The following CTBP1 variants were observed in gnomAD, a reference collection of about 807,000 sequenced individuals.
CTBP1 encodes the protein C-terminal-binding protein 1.
In CTBP1, 11 loss-of-function variants were observed where a neutral mutation model predicts 42.1. The ratio of observed to expected loss-of-function variants is 0.26; its 90% CI spans 0.16 to 0.43. CTBP1 has a LOEUF of 0.43. Ranked by LOEUF, CTBP1 falls within the 20% of genes least tolerant of loss-of-function variation. The probability of loss-of-function intolerance (pLI) is 1.00; values close to 1 mark genes in which losing one functional copy is unlikely to be tolerated. For missense variants in CTBP1, 399 were observed against 624.3 expected (o/e 0.64, Z 3.85); for synonymous variants, 324 against 277.1 (o/e 1.17, Z -1.68).
intron 5 of CTBP1, among the ~76,000 whole-genome samples, chr4:1,222,220 C>T (rs1037200188): frequency 1.2e-4 from 19 of 152,154 alleles, no homozygotes; most frequent in African/African-American, 3.4e-4. Context: ...GGGCGGGGGA[C>T]GGGACGCAGG....
Position 1,228,497 on chromosome 4 carries a change from G to C in CTBP1, c.163-154C>G, listed in dbSNP as rs978216183. 3.9e-5 allele frequency among the ~76,000 whole-genome samples: 6 copies of C among 152,202 alleles called. 1 individual carries two copies. Among genetic ancestry groups the C allele is most frequent in the South Asian group, 4.1e-4 (2 of 4,834 alleles). On this transcript the variant is annotated intron_variant, in intron 3 of 9. Coordinates refer to ENST00000382952, the MANE Select transcript of CTBP1 (RefSeq NM_001012614.2). ...GGACACTGGGAGAGGCTACATGAAG[G>C]CTTCCCCGCCACGCGCGGCCCCTCA...
Position 1,230,897 on chromosome 4 carries a change from C to T in CTBP1, c.163-2554G>A, listed in dbSNP as rs182797303. On this transcript the variant is annotated intron_variant, in intron 3 of 9. Coordinates refer to ENST00000382952, the MANE Select transcript of CTBP1 (RefSeq NM_001012614.2). ...AGGGCCCTCCTTTGGGCTCCGGGCG[C>T]GCCCACCCAGCTGAGCTGTGAAGCG... Among the ~76,000 whole-genome samples the T allele has an allele frequency of 6.6e-5, 10 of 152,394 alleles. No homozygotes were observed. The East Asian group carries it at 1.5e-3, about 23-fold the overall frequency.
In CTBP1 at chr4:1,238,096, G is replaced by A. The variant is rs1553848888; in HGVS notation, c.162+87C>T. Reference sequence around the variant, plus strand: ...TCCTGCCCCAGTGGCACCCAGACCTGCTGTGGCCCGGGCCTGCCGTGCTCC... The same window carrying A: ...TCCTGCCCCAGTGGCACCCAGACCTACTGTGGCCCGGGCCTGCCGTGCTCC... On this transcript the variant is annotated intron_variant, in intron 3 of 9. Transcript: ENST00000382952. This position sits in a 1 kb window ranked among gnomAD's most constrained non-coding sequence, Gnocchi z 5.9. The A allele has an allele frequency of 1.3e-6, 2 of 1,563,388 alleles. No individual in the cohort carries two copies. Among genetic ancestry groups the A allele is most frequent in the Non-Finnish European group, 1.8e-6 (2 of 1,139,374 alleles).
Position 1,245,195 on chromosome 4 carries a change from C to T in CTBP1, c.-188-3676G>A, listed in dbSNP as rs377251651. ...GCATCCCTGTGAGCCAGGGAGCCAC[C>T]GCACTCCACGGGGCCTGCAGGGCCG... On this transcript the variant is annotated intron_variant, in intron 1 of 9. Coordinates refer to ENST00000382952, the MANE Select transcript of CTBP1 (RefSeq NM_001012614.2). 4.5e-4 allele frequency: 447 copies of T among 985,458 alleles called. 4 individuals are homozygous for T. The South Asian group carries it at 0.013, about 29-fold the overall frequency. 61.0% of individuals were successfully genotyped at this position (985,458 alleles called of 1,614,324 possible). A position where few individuals can be genotyped will look rare whatever the true frequency, so the allele number is the denominator to read the frequency against.
At position 1,238,470 on chromosome 4, in the gene CTBP1, T is replaced by C; in HGVS notation, c.8-133A>G. The C allele has an allele frequency of 1.8e-6, 2 of 1,105,732 alleles. No homozygotes were observed. The highest frequency in any genetic ancestry group is 2.6e-5 in the East Asian group (1 of 38,094). The allele number at this position is 1,105,732 out of a possible 1,614,324, so 68.5% of individuals were successfully genotyped here. The stretch of plus-strand genomic sequence containing the variant: ...GTTTTCTGGTCTATATGTTGTGATA[T>C]TTGTAAAAAGTAAATTAAAAATCCA... On this transcript the variant is annotated intron_variant, in intron 2 of 9. Transcript: ENST00000382952. This position sits in a 1 kb window ranked among gnomAD's most constrained non-coding sequence, Gnocchi z 5.9.
intron 1 of CTBP1, chr4:1,243,340 A>G: frequency 1.0e-6 from 1 of 985,350 alleles, no homozygotes; most frequent in Non-Finnish European, 1.2e-6. Flanking sequence ...TCCCGAGCTG[A>G]GGAACCTGTG....
At position 1,213,502 on chromosome 4, in the gene CTBP1, G is replaced by A. The variant is rs1329666542; in HGVS notation, c.964C>T (p.Arg322Trp). 2 of 1,612,146 alleles carry A rather than the reference G, an allele frequency of 1.2e-6. No individual in the cohort carries two copies. Among genetic ancestry groups the A allele is most frequent in the Non-Finnish European group, 1.7e-6 (2 of 1,179,900 alleles). ...CCTGTGATGGCTCTGCGGATCTCCC[G>A]TGCCGCCTCCTCTCGCATCTCGATG... is the stretch of plus-strand genomic sequence containing the variant. ...ASIEMREEAA[R>W]EIRRAITGRI... The change falls in exon 8 of 10, where the codon CGG becomes TGG. Residue 322 changes from arginine to tryptophan, a missense_variant. Arg to Trp is a moderately radical substitution (Grantham distance 101). Transcript: ENST00000382952.
Position 1,249,073 on chromosome 4 carries a change from C to T in CTBP1, c.-346G>A, listed in dbSNP as rs1180451322. 4 of 346,400 alleles carry T rather than the reference C, an allele frequency of 1.2e-5. No homozygotes were observed. The highest frequency in any genetic ancestry group is 9.0e-5 in the African/African-American group (4 of 44,494). 21.5% of individuals were successfully genotyped at this position (346,400 alleles called of 1,614,324 possible). On this transcript the variant is annotated 5_prime_UTR_variant, in exon 1 of 10. Transcript: ENST00000382952. ...CTCCGCCCGCCCGCCTGCGCCTGGC[C>T]GCCGCCGTGCCGAGTCTCCGCCGCG...
intron 4 of CTBP1, 23 bp from the exon 5 acceptor site, chr4:1,225,589 G>T: frequency 6.5e-7 from 1 of 1,533,646 alleles, no homozygotes; most frequent in Non-Finnish European, 8.7e-7. Context: ...GGACACGGCG[G>T]TCACCCCCGG....
intron 5 of CTBP1, 83 bp downstream of exon 5, chr4:1,225,277 G>A (rs534107786): frequency 3.2e-5 from 47 of 1,448,416 alleles, no homozygotes; most frequent in East Asian, 3.0e-4. Context: ...ACCCCGCCCC[G>A]GGCCTCTCCT....
At chr4:1,224,466 G>A (rs1280823040) in intron 5 of CTBP1, among the ~76,000 whole-genome samples, 1 of 151,230 alleles carries the variant, frequency 6.6e-6, no homozygotes, top group African/African-American at 2.4e-5. Context: ...GTGCCCATGA[G>A]GCCTGTGTGT....
In CTBP1 at chr4:1,233,014, G is replaced by A. The variant is rs1422405809; in HGVS notation, c.163-4671C>T. 3 of 152,662 alleles carry A rather than the reference G, an allele frequency of 2.0e-5. No individual in the cohort carries two copies. Among genetic ancestry groups the A allele is most frequent in the Non-Finnish European group, 4.4e-5 (3 of 68,422 alleles). 9.5% of individuals were successfully genotyped at this position (152,662 alleles called of 1,614,324 possible). A position where few individuals can be genotyped will look rare whatever the true frequency, so the allele number is the denominator to read the frequency against. On this transcript the variant is annotated intron_variant, in intron 3 of 9. Coordinates refer to ENST00000382952, the MANE Select transcript of CTBP1 (RefSeq NM_001012614.2). The surrounding 1 kb of genome is among the most constrained non-coding windows in gnomAD (Gnocchi z 4.6). ...CTTCTAGACCTGAGAGGGGGTCCTG[G>A]GGTCTGGACATGCCCTGCGGGGGTC...
At chr4:1,244,910 G>C in intron 1 of CTBP1, 2 of 985,410 alleles carry the variant, frequency 2.0e-6, no homozygotes, top group Non-Finnish European at 2.4e-6. Flanking sequence ...GCCTGACCCG[G>C]AGCCTTCCAG....
chr4:1,240,600 G>A (rs1011786658), intron 2 of CTBP1, among the ~76,000 whole-genome samples: 1 of 132,262 alleles, frequency 7.6e-6, no homozygotes, highest in African/African-American at 2.9e-5. Flanking sequence ...GTGGGAACCG[G>A]GTCCCTCGTC....
intron 1 of CTBP1, chr4:1,243,829 C>T (rs1732436915): frequency 3.0e-6 from 3 of 985,314 alleles, no homozygotes; most frequent in Non-Finnish European, 3.6e-6. Flanking sequence ...TGCTTTTCCT[C>T]ATCAAAAACT....
chr4:1,212,564 A>T, intron 9 of CTBP1, 141 bp from the exon 10 acceptor site: 1 of 771,408 alleles, frequency 1.3e-6, no homozygotes, highest in Admixed American at 3.4e-5. Context: ...CTTTACACGG[A>T]TGTTCCTGCC....
chr4:1,244,550 C>T (rs1250097), intron 1 of CTBP1: 350,808 of 984,912 alleles, frequency 0.36, 64,784 homozygotes, highest in Middle Eastern at 0.44. Context: ...CCCTCCCTCA[C>T]GACCTCCACC....
chr4:1,249,713 A>T, upstream of CTBP1: 1 of 399,918 alleles, frequency 2.5e-6, no homozygotes, highest in Non-Finnish European at 5.1e-6. Flanking sequence ...GTGCGTCCCC[A>T]GGCGGGGGAG....
intron 3 of CTBP1, chr4:1,237,804 CA>C (rs1731713287): frequency 1.4e-6 from 1 of 692,130 alleles, no homozygotes; most frequent in African/African-American, 1.8e-5. Flanking sequence ...TGATGGGGCA[CA>C]GGGCAAAACG....
Sources: allele counts gnomAD v4.1 joint callset (sites outside exome capture counted in the v4.1 genomes callset), GRCh38; gene constraint gnomAD v4.1.1; non-coding constraint Gnocchi (gnomAD v3.1); transcripts MANE v1.5; gene names NCBI Gene and HGNC (gene_info 2026-07-23, HGNC 2026-07-21).